Variants in UTRN observed in about 807,000 individuals in gnomAD.
The protein encoded by UTRN is utrophin, also known as dystrophin-related protein 1.
In UTRN, 283 loss-of-function variants were observed where a neutral mutation model predicts 463.9. The ratio of observed to expected loss-of-function variants is 0.61; its 90% CI spans 0.55 to 0.67. The LOEUF is 0.67. Ranked by LOEUF, UTRN falls within the 30% of genes least tolerant of loss-of-function variation. UTRN has a pLI of 0.00. For synonymous variants in UTRN, 1,442 were observed against 1,431.5 expected, an observed-to-expected ratio of 1.01 and a Z score of -0.17; for missense variants, 3,922 against 4,084.3, an observed-to-expected ratio of 0.96 and a Z score of 1.08.
intron 62 of UTRN, among the ~76,000 whole-genome samples, chr6:144,792,025 G>T (rs1227313677): frequency 1.3e-5 from 2 of 152,172 alleles, no homozygotes; most frequent in Admixed American, 6.5e-5. Context: ...TTTTGTCTAT[G>T]ATAGTCTTAT....
At chr6:144,650,388 G>A (rs902284833) in intron 51 of UTRN, among the ~76,000 whole-genome samples, 1 of 152,222 alleles carries the variant, frequency 6.6e-6, no homozygotes, top group African/African-American at 2.4e-5. Context: ...GTGTGTATAT[G>A]TGGGTGTATT....
At chr6:144,560,466 C>T (rs189218061) in intron 50 of UTRN, among the ~76,000 whole-genome samples, 19 of 152,216 alleles carry the variant, frequency 1.2e-4, no homozygotes, top group African/African-American at 4.3e-4. Flanking sequence ...CATCACACCC[C>T]GTCTAATGGC....
chr6:144,462,819 G>A lies in UTRN; in HGVS notation c.3019G>A (p.Asp1007Asn). 6.2e-7 allele frequency: 1 copy of A among 1,608,926 alleles called. No individual in the cohort carries two copies. ...WNKLKVLVSK[D>N]LHLLEEIALT... ...CAAGCTAAAGGTCTTGGTTTCCAAAGATCTACATTTGCTTGAGGAAATTGC... is the reference window on the plus strand; with the variant it reads ...CAAGCTAAAGGTCTTGGTTTCCAAAAATCTACATTTGCTTGAGGAAATTGC... Residue 1007 changes from aspartate (D) to asparagine (N), a missense_variant, in exon 23 of 75, where the codon GAT becomes AAT. Transcript: ENST00000367545.
At chr6:144,828,973 T>A in intron 69 of UTRN, 118 bp downstream of exon 69, 1 of 1,179,172 alleles carries the variant, frequency 8.5e-7, no homozygotes, top group Non-Finnish European at 1.2e-6. Flanking sequence ...TTATTAAGTG[T>A]GGTTCCAAAA....
chr6:144,608,350 C>G (rs191189605), intron 51 of UTRN, among the ~76,000 whole-genome samples: 1 of 152,092 alleles, frequency 6.6e-6, no homozygotes, highest in Admixed American at 6.6e-5. Flanking sequence ...ATCATGTGAG[C>G]CAATTTCCTA....
intron 26 of UTRN, among the ~76,000 whole-genome samples, chr6:144,480,315 G>A (rs774414973): frequency 1.3e-5 from 2 of 152,086 alleles, no homozygotes; most frequent in African/African-American, 2.4e-5. Flanking sequence ...TTTAATTGGG[G>A]TAAATACATA....
intron 34 of UTRN, among the ~76,000 whole-genome samples, chr6:144,504,540 T>C (rs1794527271): frequency 6.6e-6 from 1 of 152,234 alleles, no homozygotes; most frequent in South Asian, 2.1e-4. Context: ...GGATTACGTT[T>C]ATTGATTTGT....
chr6:144,611,794 A>G (rs1321393299), intron 51 of UTRN, among the ~76,000 whole-genome samples: 1 of 152,216 alleles, frequency 6.6e-6, no homozygotes, highest in Admixed American at 6.5e-5. Context: ...TGTAATTTAC[A>G]TATTTAACAC....
At chr6:144,461,050 C>T (rs1789353501) in intron 21 of UTRN, 147 bp from the exon 22 acceptor site, 1 of 551,944 alleles carries the variant, frequency 1.8e-6, no homozygotes, top group African/African-American at 1.9e-5. Context: ...ATGGAATGAT[C>T]TATGTTGTTA....
At chr6:144,722,485 G>A (rs1787309231) in intron 53 of UTRN, among the ~76,000 whole-genome samples, 1 of 151,866 alleles carries the variant, frequency 6.6e-6, no homozygotes, top group South Asian at 2.1e-4. Flanking sequence ...CTATGCAGAG[G>A]GAAATTTTTG....
intron 2 of UTRN, among the ~76,000 whole-genome samples, chr6:144,353,955 C>A (rs6922608): frequency 0.16 from 23,773 of 152,104 alleles, 5,625 homozygotes; most frequent in African/African-American, 0.51. Context: ...GTGCTGCGGT[C>A]GTTGTTGTGA....
intron 58 of UTRN, among the ~76,000 whole-genome samples, chr6:144,763,290 T>A (rs1361260690): frequency 1.3e-5 from 2 of 152,194 alleles, no homozygotes; most frequent in Non-Finnish European, 2.9e-5. Context: ...TCTGAGTGGA[T>A]CCAAATGAAG....
At position 144,835,893 on chromosome 6, in the gene UTRN, G is replaced by A. The variant is rs374251723; in HGVS notation, c.9779G>A (p.Arg3260His). 2.3e-5 allele frequency: 37 copies of A among 1,613,992 alleles called. No homozygotes were observed. Among genetic ancestry groups the A allele is most frequent in the Middle Eastern group, 1.6e-4 (1 of 6,084 alleles). The stretch of plus-strand genomic sequence containing the variant: ...CTGAAGTCAGTAGAGAGGGAAGAAC[G>A]TGGAGAACTGGAGAGGATCATTGCT... ...QILKSVEREE[R>H]GELERIIADL... Residue 3260 changes from arginine to histidine, a missense_variant, in exon 70 of 75, where the codon CGT becomes CAT. Arg to His is a conservative substitution (Grantham distance 29, BLOSUM62 0). Coordinates refer to ENST00000367545, the MANE Select transcript of UTRN (RefSeq NM_007124.3).
intron 69 of UTRN, among the ~76,000 whole-genome samples, chr6:144,829,102 G>A (rs781288632): frequency 2.4e-4 from 37 of 151,920 alleles, no homozygotes; most frequent in South Asian, 8.3e-4. Context: ...TATACCCCAC[G>A]AAAATCAGAT....
rs541784715 is a variant in UTRN at position 144,827,246 on chromosome 6, C to T, written c.9495-102C>T. On this transcript the variant is annotated intron_variant, in intron 66 of 74. Coordinates refer to ENST00000367545, the MANE Select transcript of UTRN (RefSeq NM_007124.3). ...CTCTCAGGGCAACCACATATATGAGCGGAAGATAATTGAGAATCTCCCCAC... is the reference window on the plus strand; with the variant it reads ...CTCTCAGGGCAACCACATATATGAGTGGAAGATAATTGAGAATCTCCCCAC... 243 of 1,371,460 alleles carry T rather than the reference C, an allele frequency of 1.8e-4. No homozygotes were observed. In the South Asian group the frequency reaches 2.0e-3, roughly 11 times the overall value. The allele number at this position is 1,371,460 out of a possible 1,614,324, so 85.0% of individuals were successfully genotyped here. A position where few individuals can be genotyped will look rare whatever the true frequency, so the allele number is the denominator to read the frequency against.
At chr6:144,846,010 C>A (rs2128765357) in intron 73 of UTRN, among the ~76,000 whole-genome samples, 1 of 152,006 alleles carries the variant, frequency 6.6e-6, no homozygotes, top group East Asian at 1.9e-4. Context: ...TGACCAAGAA[C>A]AGATTGTTGC....
chr6:144,509,802 T>C (rs1322664838), intron 34 of UTRN, among the ~76,000 whole-genome samples: 3 of 152,182 alleles, frequency 2.0e-5, no homozygotes, highest in South Asian at 2.1e-4. Context: ...TCTTTTTTAC[T>C]GTAAAAAAGT....
intron 58 of UTRN, among the ~76,000 whole-genome samples, chr6:144,768,659 C>T (rs1793619002): frequency 6.6e-6 from 1 of 152,184 alleles, no homozygotes; most frequent in South Asian, 2.1e-4. Flanking sequence ...TCAATATCCA[C>T]AGGACAATAA....
At chr6:144,647,432 G>T (rs1297337676) in intron 51 of UTRN, among the ~76,000 whole-genome samples, 11 of 152,194 alleles carry the variant, frequency 7.2e-5, no homozygotes, top group Non-Finnish European at 7.3e-5. Context: ...CCAGATCACA[G>T]GCGCATCAAG....
Sources: gnomAD v4.1 joint callset for allele counts (sites outside exome capture counted in the v4.1 genomes callset) on GRCh38, gnomAD v4.1.1 for gene constraint, MANE v1.5 for transcripts, NCBI Gene and HGNC (gene_info 2026-07-23, HGNC 2026-07-21) for gene names.